PSD3: variants seen among roughly 807,000 people sequenced by gnomAD.
PSD3 encodes PH and SEC7 domain-containing protein 3.
Under a neutral mutation model 105.5 loss-of-function variants are expected in PSD3, and 49 were observed. The ratio of observed to expected loss-of-function variants is 0.46; its 90% CI spans 0.37 to 0.59. The LOEUF is 0.59. PSD3 is among the 20% of genes least tolerant of loss of function. The pLI is 0.00. For synonymous variants in PSD3, 557 were observed against 457.8 expected, an observed-to-expected ratio of 1.22 and a Z score of -2.77; for missense variants, 1,561 against 1,263.8, an observed-to-expected ratio of 1.24 and a Z score of -3.57.
At chr8:18,881,727 TA>T (rs1818116756) in intron 2 of PSD3, among the ~76,000 whole-genome samples, 1 of 152,226 alleles carries the variant, frequency 6.6e-6, no homozygotes, top group Non-Finnish European at 1.5e-5. Context: ...CATTTTTTAG[TA>T]AAAGGTTTTT....
At chr8:18,793,716 A>G (rs1331159329) in intron 8 of PSD3, among the ~76,000 whole-genome samples, 3 of 152,326 alleles carry the variant, frequency 2.0e-5, no homozygotes, top group African/African-American at 7.2e-5. Flanking sequence ...TTCAAGGCAG[A>G]GGGCATCACA....
chr8:19,069,123 G>A (rs756729830), intron 1 of PSD3, among the ~76,000 whole-genome samples: 6 of 152,120 alleles, frequency 3.9e-5, no homozygotes, highest in Admixed American at 6.5e-5. Flanking sequence ...CACCCAGTGC[G>A]GTAATTATTT....
intron 9 of PSD3, among the ~76,000 whole-genome samples, chr8:18,656,316 C>G (rs1236081178): frequency 6.6e-6 from 1 of 151,078 alleles, no homozygotes; most frequent in African/African-American, 2.4e-5. Flanking sequence ...CCTCAGCCTC[C>G]CAAAGTGCTG....
At chr8:19,037,394 G>C (rs1827979837) in intron 1 of PSD3, among the ~76,000 whole-genome samples, 1 of 152,256 alleles carries the variant, frequency 6.6e-6, no homozygotes, top group African/African-American at 2.4e-5. Context: ...TCAAATGATA[G>C]ATCCGTGGCA....
intron 12 of PSD3, among the ~76,000 whole-genome samples, chr8:18,594,919 G>A (rs1428677666): frequency 6.6e-6 from 1 of 151,894 alleles, no homozygotes; most frequent in South Asian, 2.1e-4. Context: ...TCAATCTCAG[G>A]TTGGTTGAAT....
intron 1 of PSD3, among the ~76,000 whole-genome samples, chr8:18,983,954 A>C (rs1163218409): frequency 6.6e-5 from 10 of 151,408 alleles, no homozygotes; most frequent in African/African-American, 2.2e-4. Context: ...GCAGTGAAAT[A>C]TGATTGTGCT....
At chr8:19,081,120 C>T (rs1008520392) in intron 1 of PSD3, among the ~76,000 whole-genome samples, 5 of 152,122 alleles carry the variant, frequency 3.3e-5, no homozygotes, top group Admixed American at 6.5e-5. Context: ...GCTCTGGTCC[C>T]GGCCCATAGA....
chr8:18,947,301 G>A (rs188876069), intron 1 of PSD3, among the ~76,000 whole-genome samples: 16 of 152,318 alleles, frequency 1.1e-4, no homozygotes, highest in East Asian at 5.8e-4. Context: ...GGGAGAAGAC[G>A]TCGGCAAAAA....
Position 18,840,241 on chromosome 8 carries a change from C to A in PSD3, c.1634+27433G>T, listed in dbSNP as rs549105920. Reference sequence around the variant, plus strand: ...CATTCTCAGCAGCTAAGCCTCAAACCCTCAATCACTCTGAGTAATAGGTGG... The same window carrying A: ...CATTCTCAGCAGCTAAGCCTCAAACACTCAATCACTCTGAGTAATAGGTGG... On this transcript the variant is annotated intron_variant, in intron 4 of 15. Coordinates refer to ENST00000327040, the MANE Select transcript of PSD3 (RefSeq NM_015310.4). 2.9e-4 allele frequency among the ~76,000 whole-genome samples: 44 copies of A among 152,230 alleles called. No individual in the cohort carries two copies. The South Asian group carries it at 9.1e-3, about 32-fold the overall frequency.
intron 8 of PSD3, among the ~76,000 whole-genome samples, chr8:18,779,761 T>C (rs891944659): frequency 6.6e-6 from 1 of 152,204 alleles, no homozygotes; most frequent in East Asian, 1.9e-4. Flanking sequence ...CATTGTTGAT[T>C]TCTAGTTTTA....
intron 9 of PSD3, among the ~76,000 whole-genome samples, chr8:18,697,627 G>A (rs930157326): frequency 5.9e-5 from 9 of 152,240 alleles, no homozygotes; most frequent in African/African-American, 2.2e-4. Flanking sequence ...AAAAGAACAT[G>A]GCACCTTCTC....
Position 18,872,272 on chromosome 8 carries a change from G to A in PSD3, c.592C>T (p.Pro198Ser). The change falls in exon 3 of 16, where the codon CCT (proline) becomes TCT (serine). Residue 198 changes from proline (P) to serine (S), a missense_variant. Coordinates refer to ENST00000327040, the MANE Select transcript of PSD3 (RefSeq NM_015310.4). ...TCCGTTGTTACTTCAGCTGAAAGAG[G>A]TATTTCTGGTAAATTTTTTTGGCCA... ...PAGQKNLPEI[P>S]LSAEVTTEES... 1 of 1,614,190 alleles carries A rather than the reference G, an allele frequency of 6.2e-7. No individual in the cohort carries two copies. The highest frequency in any genetic ancestry group is 8.5e-7 in the Non-Finnish European group (1 of 1,180,022).
At chr8:18,743,185 T>C (rs1804717650) in intron 9 of PSD3, among the ~76,000 whole-genome samples, 2 of 152,014 alleles carry the variant, frequency 1.3e-5, no homozygotes, top group African/African-American at 4.8e-5. Flanking sequence ...TGGCCAAAGG[T>C]AGAATAACAG....
At chr8:18,739,111 T>C (rs969997750) in intron 9 of PSD3, among the ~76,000 whole-genome samples, 2 of 152,150 alleles carry the variant, frequency 1.3e-5, no homozygotes, top group Admixed American at 6.5e-5. Context: ...TATGGAAAAC[T>C]AGGAAAACTT....
intron 2 of PSD3, among the ~76,000 whole-genome samples, chr8:18,895,361 C>G (rs1819077955): frequency 6.6e-6 from 1 of 152,230 alleles, no homozygotes. Context: ...TCTCCTGTCA[C>G]TTTACTGCCA....
intron 9 of PSD3, among the ~76,000 whole-genome samples, chr8:18,739,810 T>C (rs945935718): frequency 2.6e-5 from 4 of 152,200 alleles, no homozygotes; most frequent in Admixed American, 6.5e-5. Context: ...GTGAGAACAT[T>C]TGAAATTGAC....
At chr8:18,603,761 G>T (rs762487453) in intron 11 of PSD3, among the ~76,000 whole-genome samples, 2 of 152,038 alleles carry the variant, frequency 1.3e-5, no homozygotes, top group East Asian at 3.9e-4. Context: ...GTGAATGCTC[G>T]TGAGATCTGG....
At chr8:19,032,421 T>C (rs1294024814) in intron 1 of PSD3, among the ~76,000 whole-genome samples, 2 of 152,084 alleles carry the variant, frequency 1.3e-5, no homozygotes, top group Admixed American at 6.6e-5. Flanking sequence ...GGTGGGAGGA[T>C]TGCTTGTGCT....
Position 18,528,739 on chromosome 8 carries a change from T to C in PSD3, c.*7004A>G, listed in dbSNP as rs1799523929. On this transcript the variant is annotated 3_prime_UTR_variant, in exon 16 of 16. Coordinates refer to ENST00000327040, the MANE Select transcript of PSD3 (RefSeq NM_015310.4). ...TCTTCTAGGAGCGCCTGAAGACTTA[T>C]TTATGGCGACCGATGGGAAAATATT... 1 of 152,658 alleles carries C rather than the reference T, an allele frequency of 6.6e-6. No homozygotes were observed. The highest frequency in any genetic ancestry group is 2.4e-5 in the African/African-American group (1 of 41,460). The allele number at this position is 152,658 out of a possible 1,614,324, so 9.5% of individuals were successfully genotyped here. A position where few individuals can be genotyped will look rare whatever the true frequency, so the allele number is the denominator to read the frequency against.
Sources: gnomAD v4.1 joint callset for allele counts (sites outside exome capture counted in the v4.1 genomes callset) on GRCh38, gnomAD v4.1.1 for gene constraint, MANE v1.5 for transcripts, NCBI Gene and HGNC (gene_info 2026-07-23, HGNC 2026-07-21) for gene names.